ADGRL3: variants seen among roughly 807,000 people sequenced by gnomAD.
ADGRL3 encodes the protein calcium-independent alpha-latrotoxin receptor 3.
ADGRL3 carries 62 observed loss-of-function variants against 153.5 expected under a neutral mutation model. The observed-to-expected ratio is 0.40, with a 90% CI of 0.33 to 0.50. ADGRL3 has a LOEUF of 0.50. Among genes scored for constraint, ADGRL3 ranks in the 20% least tolerant of loss-of-function variants. The probability of loss-of-function intolerance (pLI) is 0.47; values close to 1 mark genes in which losing one functional copy is unlikely to be tolerated. For missense variants in ADGRL3, 1,641 were observed against 1,859.4 expected (o/e 0.88, Z 2.16); for synonymous variants, 710 against 672.5 (o/e 1.06, Z -0.86).
chr4:61,601,372 G>C (rs1474527280), intron 5 of ADGRL3, among the ~76,000 whole-genome samples: 1 of 151,960 alleles, frequency 6.6e-6, no homozygotes, highest in Non-Finnish European at 1.5e-5. Flanking sequence ...CTTAATTTTA[G>C]TAACTATAAA....
At chr4:61,297,819 A>G (rs1444578954) in intron 1 of ADGRL3, among the ~76,000 whole-genome samples, 2 of 151,620 alleles carry the variant, frequency 1.3e-5, no homozygotes, top group African/African-American at 2.4e-5. Context: ...CACCGTCACT[A>G]CCGTCGCCAC....
At chr4:61,209,861 A>C (rs1202105890) in intron 1 of ADGRL3, among the ~76,000 whole-genome samples, 1 of 152,232 alleles carries the variant, frequency 6.6e-6, no homozygotes, top group Non-Finnish European at 1.5e-5. Context: ...TAACTGCATC[A>C]GAATTTTCTA....
chr4:61,207,783 A>G (rs1469084420), intron 1 of ADGRL3, among the ~76,000 whole-genome samples: 1 of 152,104 alleles, frequency 6.6e-6, no homozygotes, highest in Non-Finnish European at 1.5e-5. Flanking sequence ...TTTGATTTGC[A>G]TTTCTCTAAT....
chr4:61,211,393 T>TA (rs1400759250), intron 1 of ADGRL3, among the ~76,000 whole-genome samples: 2 of 152,174 alleles, frequency 1.3e-5, no homozygotes, highest in Non-Finnish European at 2.9e-5. Context: ...TTCTCAGACT[T>TA]ATACTGATCT....
At chr4:61,947,176 A>G in intron 16 of ADGRL3, 54 bp downstream of exon 16, 1 of 1,332,438 alleles carries the variant, frequency 7.5e-7, no homozygotes, top group Non-Finnish European at 1.1e-6. Flanking sequence ...TTTTTATAAC[A>G]CTGAACATTA....
At chr4:61,898,789 T>G (rs888563106) in intron 11 of ADGRL3, among the ~76,000 whole-genome samples, 9 of 151,986 alleles carry the variant, frequency 5.9e-5, no homozygotes, top group African/African-American at 2.2e-4. Context: ...GCGAATTTTT[T>G]GTATTTTAGT....
intron 1 of ADGRL3, among the ~76,000 whole-genome samples, chr4:61,250,675 G>C (rs981235409): frequency 6.6e-6 from 1 of 152,072 alleles, no homozygotes; most frequent in Non-Finnish European, 1.5e-5. Flanking sequence ...CATTTTTGAC[G>C]TGCATGCTTA....
chr4:61,374,925 G>T (rs137883805), intron 1 of ADGRL3, among the ~76,000 whole-genome samples: 63 of 151,890 alleles, frequency 4.1e-4, no homozygotes, highest in African/African-American at 1.4e-3. Flanking sequence ...CTTATCTGAG[G>T]TTCAGTGTCT....
intron 5 of ADGRL3, among the ~76,000 whole-genome samples, chr4:61,597,422 T>G (rs1427337770): frequency 6.6e-6 from 1 of 152,112 alleles, no homozygotes; most frequent in Non-Finnish European, 1.5e-5. Context: ...TAGAGCCACT[T>G]TGATCCCAAA....
chr4:61,835,862 C>A (rs968291226), intron 9 of ADGRL3, among the ~76,000 whole-genome samples: 1 of 152,142 alleles, frequency 6.6e-6, no homozygotes, highest in Non-Finnish European at 1.5e-5. Context: ...CAGCATTGGG[C>A]AGTTTCTATT....
intron 17 of ADGRL3, among the ~76,000 whole-genome samples, chr4:61,951,619 A>G (rs1254330528): frequency 1.3e-5 from 2 of 152,168 alleles, no homozygotes; most frequent in East Asian, 3.9e-4. Context: ...TAATCCCAGT[A>G]CTTCGGGAGG....
intron 8 of ADGRL3, among the ~76,000 whole-genome samples, chr4:61,756,678 G>A (rs1484948976): frequency 6.6e-6 from 1 of 152,186 alleles, no homozygotes; most frequent in African/African-American, 2.4e-5. Flanking sequence ...TGGTGAAAAA[G>A]GGCATCCCTG....
rs185179828 is a variant in ADGRL3 at position 61,473,252 on chromosome 4, T to C, written c.-173-23869T>C. Among the ~76,000 whole-genome samples the C allele has an allele frequency of 5.3e-5, 8 of 151,362 alleles. No individual in the cohort carries two copies. In the East Asian group the frequency reaches 7.8e-4, roughly 15 times the overall value. On this transcript the variant is annotated intron_variant, in intron 2 of 26. Transcript: ENST00000683033. Reference sequence around the variant, plus strand: ...GTGTGTGTGTGTGTGTGGTCTTTTTTTTAAGTAGGGGAAACTTTTAAAATA... The same window carrying C: ...GTGTGTGTGTGTGTGTGGTCTTTTTCTTAAGTAGGGGAAACTTTTAAAATA...
chr4:61,610,993 T>C (rs2091267454), intron 5 of ADGRL3, among the ~76,000 whole-genome samples: 2 of 152,132 alleles, frequency 1.3e-5, no homozygotes, highest in Non-Finnish European at 2.9e-5. Context: ...GAGACCATTA[T>C]GTCAAAATGT....
At chr4:61,800,047 C>T (rs551502792) in intron 8 of ADGRL3, among the ~76,000 whole-genome samples, 9 of 152,192 alleles carry the variant, frequency 5.9e-5, no homozygotes, top group South Asian at 4.1e-4. Flanking sequence ...TGCCATGGCA[C>T]GACACTGCCT....
chr4:61,224,093 T>G (rs1746842624), intron 1 of ADGRL3, among the ~76,000 whole-genome samples: 1 of 152,110 alleles, frequency 6.6e-6, no homozygotes, highest in South Asian at 2.1e-4. Context: ...AATTTTTATT[T>G]TCAAAAATAA....
At chr4:61,817,006 T>G (rs1029899006) in intron 9 of ADGRL3, among the ~76,000 whole-genome samples, 1 of 152,154 alleles carries the variant, frequency 6.6e-6, no homozygotes, top group African/African-American at 2.4e-5. Context: ...GCAACCTGAC[T>G]GGGTGTGCAT....
At chr4:61,621,396 C>T (rs967151567) in intron 5 of ADGRL3, among the ~76,000 whole-genome samples, 2 of 152,102 alleles carry the variant, frequency 1.3e-5, no homozygotes, top group Non-Finnish European at 2.9e-5. Context: ...CTTTCTCTAG[C>T]CAGCTGACCC....
intron 5 of ADGRL3, among the ~76,000 whole-genome samples, chr4:61,660,634 G>C (rs1005052734): frequency 6.6e-6 from 1 of 152,110 alleles, no homozygotes; most frequent in Non-Finnish European, 1.5e-5. Context: ...TTCTAACTAA[G>C]CTGTTGATGA....
Sources: allele counts gnomAD v4.1 joint callset (sites outside exome capture counted in the v4.1 genomes callset), GRCh38; gene constraint gnomAD v4.1.1; transcripts MANE v1.5; gene names NCBI Gene and HGNC (gene_info 2026-07-23, HGNC 2026-07-21).